Variants in ACOT2 observed in about 807,000 individuals in gnomAD.
The protein encoded by ACOT2 is acyl-CoA thioesterase 2.
Under a neutral mutation model 20.1 loss-of-function variants are expected in ACOT2, and 15 were observed. The observed-to-expected ratio is 0.75, with a 90% CI of 0.50 to 1.15. ACOT2 has a LOEUF of 1.15. ACOT2 is among the 50% of genes most tolerant of loss of function. The pLI, the probability that ACOT2 is intolerant of heterozygous loss-of-function variation, is 0.00. For missense variants in ACOT2, 479 were observed against 615.3 expected (o/e 0.78, Z 2.34); for synonymous variants, 252 against 268.4 (o/e 0.94, Z 0.60).
At chr14:73,573,628 C>T (rs1254394183) in intron 2 of ACOT2, 38 bp downstream of exon 2, 3 of 1,610,382 alleles carry the variant, frequency 1.9e-6, no homozygotes, top group Non-Finnish European at 2.5e-6. Context: ...TATGATGTAT[C>T]AGGTCTCTTC....
Position 73,569,307 on chromosome 14 carries a change from T to C in ACOT2, c.67T>C (p.Ser23Pro), listed in dbSNP as rs1889658815. ...VVLRSEFKMASSPAVLRASRL... is the reference protein window; with the variant it reads ...VVLRSEFKMAPSPAVLRASRL... ...TCTCAGGTCTGAATTCAAAATGGCC[T>C]CATCTCCTGCTGTCCTTCGAGCGTC... is the stretch of plus-strand genomic sequence containing the variant. The change falls in exon 1 of 3, where the codon TCA becomes CCA. Residue 23 changes from serine to proline, a missense_variant. Ser to Pro is a moderately conservative substitution (Grantham distance 74). Coordinates refer to ENST00000238651, the MANE Select transcript of ACOT2 (RefSeq NM_006821.6). 1.9e-6 allele frequency: 3 copies of C among 1,613,814 alleles called. No individual in the cohort carries two copies. Among genetic ancestry groups the C allele is most frequent in the Non-Finnish European group, 2.5e-6 (3 of 1,179,800 alleles).
Position 73,575,619 on chromosome 14 carries a change from T to C in ACOT2, c.*106T>C. 5.8e-6 allele frequency: 9 copies of C among 1,560,210 alleles called. No homozygotes were observed. The highest frequency in any genetic ancestry group is 7.8e-6 in the Non-Finnish European group (9 of 1,159,134). ...ATTCTTTTGTTTTTAATAACTAAAG[T>C]TTTTTCCCCTCATTATTAAAATGAA... On this transcript the variant is annotated 3_prime_UTR_variant, in exon 3 of 3. Transcript: ENST00000238651.
At chr14:73,569,982 C>A in intron 1 of ACOT2, 99 bp downstream of exon 1, 2 of 1,450,688 alleles carry the variant, frequency 1.4e-6, no homozygotes, top group Non-Finnish European at 1.8e-6. Flanking sequence ...CCCCCCGCCG[C>A]GCCCCCGGGC....
chr14:73,574,745 G>C (rs1889844303), intron 2 of ACOT2, among the ~76,000 whole-genome samples, 163 bp from the exon 3 acceptor site: 1 of 152,070 alleles, frequency 6.6e-6, no homozygotes, highest in African/African-American at 2.4e-5. Context: ...ATTGTGGAAA[G>C]GAAGAGATAG....
At chr14:73,573,956 A>T (rs1247216041) in intron 2 of ACOT2, among the ~76,000 whole-genome samples, 1 of 151,554 alleles carries the variant, frequency 6.6e-6, no homozygotes, top group East Asian at 1.9e-4. Context: ...TGAACTCCTG[A>T]CCTCAAATGA....
upstream of ACOT2, among the ~76,000 whole-genome samples, chr14:73,568,362 A>C (rs1472080535): frequency 1.3e-5 from 2 of 151,774 alleles, no homozygotes; most frequent in African/African-American, 4.8e-5. Context: ...GAAAAAAAAA[A>C]ACACCACACC....
chr14:73,574,020 C>G (rs886478883), intron 2 of ACOT2, among the ~76,000 whole-genome samples: 2 of 142,620 alleles, frequency 1.4e-5, no homozygotes, highest in Non-Finnish European at 3.0e-5. Flanking sequence ...GCCACTATGC[C>G]CAGCCTAATA....
intron 1 of ACOT2, among the ~76,000 whole-genome samples, chr14:73,572,409 G>T (rs1889772717): frequency 6.8e-6 from 1 of 146,432 alleles, no homozygotes; most frequent in South Asian, 2.1e-4. Context: ...CAAACCCTAG[G>T]AGAACACATT....
upstream of ACOT2, chr14:73,567,979 G>A (rs966492226): frequency 6.6e-6 from 1 of 152,116 alleles, no homozygotes; most frequent in Non-Finnish European, 1.5e-5. Context: ...ATTAAGAACT[G>A]TAACAGTCAC....
chr14:73,573,339 C>T, intron 1 of ACOT2, 49 bp from the exon 2 acceptor site: 1 of 1,611,516 alleles, frequency 6.2e-7, no homozygotes, highest in Non-Finnish European at 8.5e-7. Flanking sequence ...AACCATCCAA[C>T]TGTTTCAGGA....
intron 2 of ACOT2, among the ~76,000 whole-genome samples, chr14:73,574,012 C>T (rs1160010620): frequency 2.0e-5 from 3 of 150,284 alleles, no homozygotes; most frequent in East Asian, 4.0e-4. Flanking sequence ...AGGCATGAGC[C>T]ACTATGCCCA....
In ACOT2 at chr14:73,569,246, TA is replaced by T. The variant is rs755137262; in HGVS notation, c.8del (p.Asn3ThrfsTer36). MS[N>X]KLLSPHPHSV... ...TGCGACGGCAGCCCGAGAGGATGTCTAACAAGCTTCTTTCTCCCCACCCCCA... is the reference window on the plus strand; with the variant it reads ...TGCGACGGCAGCCCGAGAGGATGTCTACAAGCTTCTTTCTCCCCACCCCCA... On this transcript the variant is annotated frameshift_variant, in exon 1 of 3. Transcript: ENST00000238651. LOFTEE classifies it high-confidence loss of function. 6 of 1,613,424 alleles carry T rather than the reference TA, an allele frequency of 3.7e-6. No individual in the cohort carries two copies. The African/African-American group carries it at 8.0e-5, about 22-fold the overall frequency.
At chr14:73,570,686 C>T (rs925645812) in intron 1 of ACOT2, among the ~76,000 whole-genome samples, 4 of 152,032 alleles carry the variant, frequency 2.6e-5, no homozygotes, top group Non-Finnish European at 5.9e-5. Context: ...CGGCGGATCA[C>T]CTGAGGTCAG....
Position 73,569,468 on chromosome 14 carries a change from C to A in ACOT2, c.228C>A (p.Cys76Ter), listed in dbSNP as rs148920378. Residue 76 changes from cysteine to a stop codon, truncating the protein, a stop_gained, in exon 1 of 3, where the codon TGC becomes TGA. Transcript: ENST00000238651. LOFTEE classifies it high-confidence loss of function. ...TCCTGGAGCCTGCGGGCCGCTGCTG[C>A]TGGGACGAACCGGTGCGAATCGCCG... ...TLILEPAGRC[C>*]WDEPVRIAVR... 6.2e-7 allele frequency: 1 copy of A among 1,613,366 alleles called. No individual in the cohort carries two copies. Among genetic ancestry groups the A allele is most frequent in the Non-Finnish European group, 8.5e-7 (1 of 1,179,724 alleles).
chr14:73,569,906 T>A, intron 1 of ACOT2, 23 bp downstream of exon 1: 1 of 1,595,404 alleles, frequency 6.3e-7, no homozygotes, highest in South Asian at 1.1e-5. Context: ...CGCTAATTGT[T>A]CCGTGTTCGT....
chr14:73,569,971 C>CG (rs1173334753), intron 1 of ACOT2, 88 bp downstream of exon 1: 3 of 1,395,266 alleles, frequency 2.2e-6, no homozygotes, highest in East Asian at 2.7e-5. Context: ...TATGTGTATG[C>CG]CCCCCCGCCG....
In ACOT2 at chr14:73,569,402, T is replaced by A. The variant is rs770768111; in HGVS notation, c.162T>A (p.Gly54=). The change falls in exon 1 of 3, where the codon GGT becomes GGA. Residue 54 remains glycine (G), a synonymous_variant. Transcript: ENST00000238651. ...FLGSPQLRQV[G]QIIRVPARMA... is the part of the protein sequence containing the mutation. The stretch of plus-strand genomic sequence containing the variant: ...GGTCTCCACAGCTGAGGCAGGTTGG[T>A]CAGATCATTAGGGTTCCTGCTCGGA... The A allele has an allele frequency of 6.2e-6, 10 of 1,613,842 alleles. No individual in the cohort carries two copies. The Admixed American group carries it at 1.7e-4, about 27-fold the overall frequency.
Position 73,573,581 on chromosome 14 carries a change from T to A in ACOT2, c.837T>A (p.Ser279Arg). 6.2e-7 allele frequency: 1 copy of A among 1,613,798 alleles called. No individual in the cohort carries two copies. The highest frequency in any genetic ancestry group is 8.5e-7 in the Non-Finnish European group (1 of 1,179,726). The change falls in exon 2 of 3, where the codon AGT becomes AGA. Residue 279 changes from serine to arginine, a missense_variant. Coordinates refer to ENST00000238651, the MANE Select transcript of ACOT2 (RefSeq NM_006821.6). ...YFEEAMNYLL[S>R]HPEVKGPGVG... ...AAGAAGCCATGAACTACTTGCTCAG[T>A]CATCCCGAGGTTAGTTCTTCTTTCA...
In ACOT2 at chr14:73,574,947, G is replaced by C. The variant is rs1487519774; in HGVS notation, c.886G>C (p.Gly296Arg). Residue 296 changes from glycine to arginine, a missense_variant, in exon 3 of 3, where the codon GGG (glycine) becomes CGG (arginine). This residue lies in a region of ACOT2 where 39 missense variants were observed against 108.0 expected (regional missense o/e 0.36). Transcript: ENST00000238651. Reference sequence around the variant, plus strand: ...AGTTGGGCTGCTTGGAATTTCCAAAGGGGGTGAGCTCTGCCTTTCCATGGC... The same window carrying C: ...AGTTGGGCTGCTTGGAATTTCCAAACGGGGTGAGCTCTGCCTTTCCATGGC... The part of the protein sequence containing the change: ...PGVGLLGISK[G>R]GELCLSMASF... 6.2e-7 allele frequency: 1 copy of C among 1,604,386 alleles called. No individual in the cohort carries two copies. The highest frequency in any genetic ancestry group is 8.5e-7 in the Non-Finnish European group (1 of 1,175,154).
Sources: allele counts gnomAD v4.1 joint callset (sites outside exome capture counted in the v4.1 genomes callset), GRCh38; gene constraint gnomAD v4.1.1; regional missense constraint gnomAD v4.1.1; transcripts MANE v1.5; gene names NCBI Gene and HGNC (gene_info 2026-07-23, HGNC 2026-07-21).